PCDH11Y: variants seen among roughly 807,000 people sequenced by gnomAD.
PCDH11Y encodes the protein protocadherin-11 Y-linked.
For missense variants in PCDH11Y, 12 were observed against 224.8 expected (o/e 0.05, Z 6.05); for synonymous variants, 9 against 83.6 (o/e 0.11, Z 4.87).
chrY:5,736,924 C>T, intron 4 of PCDH11Y, among the ~76,000 whole-genome samples: 1 of 32,463 alleles, frequency 3.1e-5, no homozygotes, highest in Non-Finnish European at 7.5e-5. Context: ...TTTATGTCCT[C>T]TCTCAGTGCT....
Position 5,588,553 on chromosome Y carries a change from G to T in PCDH11Y, c.3352+6755G>T, listed in dbSNP as rs72617656. On this transcript the variant is annotated intron_variant, in intron 4 of 4. Coordinates refer to the PCDH11Y transcript ENST00000400457. ...AAATCCTTCAGCTTTTGTTTTTTGG[G>T]GGAAGTCTTTATTTCTCCTTCATGT... Among the ~76,000 whole-genome samples, 76 of 32,581 alleles carry T rather than the reference G, an allele frequency of 2.3e-3. No individual in the cohort carries two copies. In the East Asian group the frequency reaches 0.062, roughly 26 times the overall value. The allele number at this position is 32,581 out of a possible 37,273, so 87.4% of individuals were successfully genotyped here.
intron 2 of PCDH11Y, among the ~76,000 whole-genome samples, chrY:5,387,089 G>A: frequency 1.0e-4 from 3 of 29,941 alleles, no homozygotes; most frequent in Non-Finnish European, 1.6e-4. Context: ...GCAGTGGTGC[G>A]ATCTCGGCTT....
chrY:5,700,495 T>A lies in PCDH11Y; in HGVS notation c.3353-36777T>A, dbSNP rs1569350580. Among the ~76,000 whole-genome samples the A allele has an allele frequency of 1.8e-3, 59 of 33,079 alleles. No homozygotes were observed. The East Asian group carries it at 0.048, about 27-fold the overall frequency. The allele number at this position is 33,079 out of a possible 37,273, so 88.7% of individuals were successfully genotyped here. On this transcript the variant is annotated intron_variant, in intron 4 of 4. Coordinates refer to the PCDH11Y transcript ENST00000400457. Reference sequence around the variant, plus strand: ...CCCATACTGCTCTCATGCTAGTGAATAAGTCTCATGAGATCTGATGGTTTT... The same window carrying A: ...CCCATACTGCTCTCATGCTAGTGAAAAAGTCTCATGAGATCTGATGGTTTT...
intron 2 of PCDH11Y, among the ~76,000 whole-genome samples, chrY:5,475,364 GT>G (rs1484069322): frequency 3.2e-5 from 1 of 31,332 alleles, no homozygotes; most frequent in African/African-American, 1.2e-4. Context: ...GGTTTAATGT[GT>G]TTTTTTTTAA....
intron 1 of PCDH11Y, among the ~76,000 whole-genome samples, chrY:5,018,069 A>C (rs1255349408): frequency 3.1e-5 from 1 of 31,812 alleles, no homozygotes; most frequent in Non-Finnish European, 7.7e-5. Context: ...TTAGGAGTGC[A>C]GAACACCGTG....
chrY:5,086,150 G>A, intron 1 of PCDH11Y, among the ~76,000 whole-genome samples: 1 of 29,997 alleles, frequency 3.3e-5, no homozygotes, highest in South Asian at 7.9e-4. Context: ...CAAATACCCT[G>A]TCTTCAAGCT....
At chrY:5,166,019 G>A in intron 2 of PCDH11Y, among the ~76,000 whole-genome samples, 1 of 32,503 alleles carries the variant, frequency 3.1e-5, no homozygotes. Flanking sequence ...TAGATAAGCT[G>A]ATTAGTCCTA....
chrY:5,046,929 C>T, intron 3 of PCDH11Y, among the ~76,000 whole-genome samples: 4 of 34,222 alleles, frequency 1.2e-4, no homozygotes, highest in Admixed American at 5.1e-4. Context: ...TCCCTGACCC[C>T]TTGCGCTTTC....
At chrY:5,732,018 A>G in intron 4 of PCDH11Y, among the ~76,000 whole-genome samples, 9 of 30,706 alleles carry the variant, frequency 2.9e-4, no homozygotes, top group Admixed American at 1.5e-3. Context: ...CTTTGAGTCT[A>G]TGGATGTTTA....
upstream of PCDH11Y, among the ~76,000 whole-genome samples, chrY:5,054,834 C>T (rs2124627646): frequency 3.3e-5 from 1 of 30,700 alleles, no homozygotes; most frequent in South Asian, 7.5e-4. Flanking sequence ...GAATTTTGAG[C>T]GAGTTTTTAT....
intron 3 of PCDH11Y, among the ~76,000 whole-genome samples, chrY:5,038,471 C>A: frequency 3.4e-5 from 1 of 29,797 alleles, no homozygotes; most frequent in African/African-American, 1.3e-4. Flanking sequence ...AAACTCCTAT[C>A]GACCCTACCC....
intron 2 of PCDH11Y, among the ~76,000 whole-genome samples, chrY:5,194,778 G>A (rs2052916953): frequency 3.1e-5 from 1 of 32,542 alleles, no homozygotes; most frequent in East Asian, 8.4e-4. Context: ...CTTCCACCAC[G>A]TGGAAGGGGA....
intron 2 of PCDH11Y, among the ~76,000 whole-genome samples, chrY:5,375,571 A>C: frequency 1.9e-4 from 6 of 32,350 alleles, no homozygotes; most frequent in Admixed American, 1.7e-3. Flanking sequence ...ATTTCAATAA[A>C]AATTTTAAGA....
intron 2 of PCDH11Y, among the ~76,000 whole-genome samples, chrY:5,367,909 A>C: frequency 3.2e-5 from 1 of 31,173 alleles, no homozygotes; most frequent in Non-Finnish European, 7.7e-5. Flanking sequence ...CACGCCTGTA[A>C]TCCTAGCATT....
intron 2 of PCDH11Y, among the ~76,000 whole-genome samples, chrY:5,392,113 G>A: frequency 3.0e-5 from 1 of 33,179 alleles, no homozygotes; most frequent in African/African-American, 1.2e-4. Context: ...GCTCACGCCT[G>A]TAATCCTAGC....
chrY:5,601,852 GC>G (rs2124699609), intron 4 of PCDH11Y, among the ~76,000 whole-genome samples: 3 of 32,917 alleles, frequency 9.1e-5, no homozygotes, highest in Non-Finnish European at 2.2e-4. Context: ...CCAAGGAGAG[GC>G]ATATACCATG....
chrY:5,107,990 C>T (rs2052795320), downstream of PCDH11Y, among the ~76,000 whole-genome samples: 1 of 27,234 alleles, frequency 3.7e-5, no homozygotes, highest in Non-Finnish European at 8.4e-5. Flanking sequence ...ACCCGGGAGG[C>T]GGAGCTTGCA....
At chrY:5,336,062 GA>G (rs2053136251) in intron 2 of PCDH11Y, among the ~76,000 whole-genome samples, 1 of 31,439 alleles carries the variant, frequency 3.2e-5, no homozygotes, top group African/African-American at 1.2e-4. Context: ...ATAGGAAATT[GA>G]AAAAAAACAG....
At chrY:5,670,797 C>T (rs1350558750) in intron 4 of PCDH11Y, among the ~76,000 whole-genome samples, 2 of 31,814 alleles carry the variant, frequency 6.3e-5, no homozygotes, top group East Asian at 8.3e-4. Context: ...AATGTGATCT[C>T]GTTTGTTTAT....
Sources: allele counts gnomAD v4.1 joint callset (sites outside exome capture counted in the v4.1 genomes callset), GRCh38; gene constraint gnomAD v4.1.1; transcripts MANE v1.5; gene names NCBI Gene and HGNC (gene_info 2026-07-23, HGNC 2026-07-21).